The following TBC1D4 variants were observed in gnomAD, a reference collection of about 807,000 sequenced individuals.
TBC1D4 encodes the protein TBC1 domain family member 4.
Under a neutral mutation model 142.5 loss-of-function variants are expected in TBC1D4, and 121 were observed. That is an observed-to-expected ratio of 0.85 (90% CI 0.73 to 0.99). The LOEUF (loss-of-function observed/expected upper bound fraction) is 0.99. TBC1D4 is among the 50% of genes least tolerant of loss of function. TBC1D4 has a pLI of 0.00. For missense variants in TBC1D4, 1,475 were observed against 1,606.6 expected (o/e 0.92, Z 1.40); for synonymous variants, 630 against 628.2 (o/e 1.00, Z -0.04).
chr13:75,361,925 T>A, intron 2 of TBC1D4, 101 bp downstream of exon 2: 1 of 1,355,450 alleles, frequency 7.4e-7, no homozygotes, highest in Non-Finnish European at 1.0e-6. Context: ...AAAAGTTAGA[T>A]TATTCGTTAT....
chr13:75,457,110 T>C (rs1175482919), intron 1 of TBC1D4, among the ~76,000 whole-genome samples: 1 of 152,008 alleles, frequency 6.6e-6, no homozygotes. Flanking sequence ...ATCAGGATAA[T>C]GATTTCTAAG....
chr13:75,457,434 A>G (rs1391806988), intron 1 of TBC1D4, among the ~76,000 whole-genome samples: 3 of 152,146 alleles, frequency 2.0e-5, no homozygotes, highest in East Asian at 3.9e-4. Flanking sequence ...TGACAACCAA[A>G]AGTGTCTCCA....
chr13:75,341,387 G>C, intron 6 of TBC1D4, 109 bp downstream of exon 6: 12 of 1,252,904 alleles, frequency 9.6e-6, no homozygotes, highest in Non-Finnish European at 1.4e-5. Flanking sequence ...TAGTACTCTA[G>C]GTCATGCATC....
At chr13:75,397,241 TAC>T (rs1337676162) in intron 1 of TBC1D4, among the ~76,000 whole-genome samples, 2 of 152,212 alleles carry the variant, frequency 1.3e-5, no homozygotes, top group African/African-American at 4.8e-5. Context: ...AGTGAATATT[TAC>T]ACAGTCATAT....
intron 13 of TBC1D4, among the ~76,000 whole-genome samples, chr13:75,312,496 C>A (rs904826296): frequency 1.3e-5 from 2 of 151,832 alleles, no homozygotes; most frequent in African/African-American, 4.9e-5. Context: ...GTTCCGTCTA[C>A]CTTGTGGAGT....
intron 1 of TBC1D4, among the ~76,000 whole-genome samples, chr13:75,442,276 C>T (rs1006918683): frequency 1.3e-5 from 2 of 152,094 alleles, no homozygotes; most frequent in Non-Finnish European, 2.9e-5. Flanking sequence ...AAACTTACCA[C>T]AGAATCATTT....
At chr13:75,425,126 T>A (rs1451860178) in intron 1 of TBC1D4, among the ~76,000 whole-genome samples, 2 of 148,306 alleles carry the variant, frequency 1.3e-5, no homozygotes, top group Non-Finnish European at 3.0e-5. Context: ...ATCCCAAATA[T>A]ATAAGGAACA....
intron 1 of TBC1D4, among the ~76,000 whole-genome samples, chr13:75,440,259 A>G (rs1414890633): frequency 6.6e-6 from 1 of 152,174 alleles, no homozygotes; most frequent in East Asian, 1.9e-4. Context: ...GAAATGGCTA[A>G]CTCTTCAAAG....
At chr13:75,354,385 C>T (rs1471705977) in intron 4 of TBC1D4, among the ~76,000 whole-genome samples, 4 of 151,964 alleles carry the variant, frequency 2.6e-5, no homozygotes, top group Non-Finnish European at 5.9e-5. Flanking sequence ...CACAAGGGCC[C>T]AAGTAAAGAA....
At chr13:75,327,049 A>C (rs1244328477) in intron 9 of TBC1D4, among the ~76,000 whole-genome samples, 2 of 152,224 alleles carry the variant, frequency 1.3e-5, no homozygotes, top group East Asian at 3.8e-4. Flanking sequence ...AAATGAATGA[A>C]AACCGAGCTA....
chr13:75,410,081 T>A, intron 1 of TBC1D4, among the ~76,000 whole-genome samples: 1 of 152,228 alleles, frequency 6.6e-6, no homozygotes, highest in East Asian at 1.9e-4. Flanking sequence ...AACAGCACTC[T>A]CAGAGTATTG....
At chr13:75,386,486 C>T (rs2018219) in intron 1 of TBC1D4, among the ~76,000 whole-genome samples, 148,712 of 151,014 alleles carry the variant, frequency 0.98, 73,267 homozygotes, top group East Asian at 1. Flanking sequence ...CCTCTTGGGT[C>T]CACGCCATTC....
At chr13:75,440,397 C>T (rs1369781441) in intron 1 of TBC1D4, among the ~76,000 whole-genome samples, 1 of 151,068 alleles carries the variant, frequency 6.6e-6, no homozygotes, top group African/African-American at 2.4e-5. Context: ...GGGTTTTAAG[C>T]AGTGAAGTAA....
At chr13:75,460,900 G>A (rs1356152375) in intron 1 of TBC1D4, among the ~76,000 whole-genome samples, 1 of 152,094 alleles carries the variant, frequency 6.6e-6, no homozygotes, top group South Asian at 2.1e-4. Context: ...TCCAGCCTGG[G>A]TAACAGAGCA....
At chr13:75,339,117 A>C (rs111790444) in intron 7 of TBC1D4, among the ~76,000 whole-genome samples, 2 of 152,150 alleles carry the variant, frequency 1.3e-5, no homozygotes, top group African/African-American at 4.8e-5. Flanking sequence ...TCATATTTTA[A>C]TGTATTTGGT....
intron 1 of TBC1D4, among the ~76,000 whole-genome samples, chr13:75,372,648 A>G (rs1883283811): frequency 6.6e-6 from 1 of 152,176 alleles, no homozygotes; most frequent in Non-Finnish European, 1.5e-5. Context: ...GCTTTCCCAC[A>G]TAGACTAGTT....
At position 75,289,019 on chromosome 13, in the gene TBC1D4, C is replaced by T. The variant is rs1874980786; in HGVS notation, c.3578G>A (p.Cys1193Tyr). 1.9e-6 allele frequency: 3 copies of T among 1,613,946 alleles called. No homozygotes were observed. The highest frequency in any genetic ancestry group is 1.7e-6 in the Non-Finnish European group (2 of 1,179,920). Reference sequence around the variant, plus strand: ...CTTCTCCAAAGTTTCACTATCCTCACAGGAATATGAAGATTCCTGAAGCTC... The same window carrying T: ...CTTCTCCAAAGTTTCACTATCCTCATAGGAATATGAAGATTCCTGAAGCTC... Reference protein sequence around the residue: ...QDELQESSYSCEDSETLEKLE... With the variant: ...QDELQESSYSYEDSETLEKLE... The change falls in exon 20 of 21, where the codon TGT (cysteine) becomes TAT (tyrosine). Residue 1193 changes from cysteine (C) to tyrosine (Y), a missense_variant. Transcript: ENST00000377636.
intron 1 of TBC1D4, among the ~76,000 whole-genome samples, chr13:75,378,937 C>T (rs916437017): frequency 2.6e-5 from 4 of 152,000 alleles, no homozygotes; most frequent in African/African-American, 9.7e-5. Context: ...TTCTGCAAAA[C>T]GTTCAACATT....
rs562484382 is a variant in TBC1D4, at chr13:75,456,010, T to C, written c.498+25260A>G. On this transcript the variant is annotated intron_variant, in intron 1 of 20. Coordinates refer to ENST00000377636, the MANE Select transcript of TBC1D4 (RefSeq NM_014832.5). Reference sequence around the variant, plus strand: ...GCTACTCATATAGGCTTTTTTTTTTTCCTGGGGACAGGGTCCCACTATGTT... The same window carrying C: ...GCTACTCATATAGGCTTTTTTTTTTCCCTGGGGACAGGGTCCCACTATGTT... Among the ~76,000 whole-genome samples the C allele has an allele frequency of 5.3e-5, 8 of 152,098 alleles. No individual in the cohort carries two copies. In the East Asian group the frequency reaches 5.8e-4, roughly 11 times the overall value.
Sources: allele counts gnomAD v4.1 joint callset (sites outside exome capture counted in the v4.1 genomes callset), GRCh38; gene constraint gnomAD v4.1.1; transcripts MANE v1.5; gene names NCBI Gene and HGNC (gene_info 2026-07-23, HGNC 2026-07-21).